UBTD2: variants seen among roughly 807,000 people sequenced by gnomAD.
UBTD2 encodes ubiquitin domain containing 2, also known as ubiquitin domain-containing protein 2.
A neutral mutation model predicts 19.8 loss-of-function variants in UBTD2; 9 were observed. The ratio of observed to expected loss-of-function variants is 0.46; its 90% CI spans 0.27 to 0.79. The LOEUF (loss-of-function observed/expected upper bound fraction) is 0.79, where lower values mean the gene tolerates loss of function less well. Ranked by LOEUF, UBTD2 falls within the 30% of genes least tolerant of loss-of-function variation. The pLI is 0.14. For missense variants in UBTD2, 250 were observed against 300.4 expected, an observed-to-expected ratio of 0.83 and a Z score of 1.24; for synonymous variants, 98 against 103.9, an observed-to-expected ratio of 0.94 and a Z score of 0.35.
intron 1 of UBTD2, among the ~76,000 whole-genome samples, chr5:172,252,843 T>C (rs1755057430): frequency 6.6e-6 from 1 of 152,288 alleles, no homozygotes; most frequent in East Asian, 1.9e-4. Flanking sequence ...TAAAACATAT[T>C]GGTATTTTGG....
intron 2 of UBTD2, among the ~76,000 whole-genome samples, chr5:172,221,555 G>A (rs184397765): frequency 3.1e-4 from 47 of 152,106 alleles, no homozygotes; most frequent in Non-Finnish European, 4.3e-4. Flanking sequence ...AACACATGGC[G>A]AAAACTTAAA....
intron 1 of UBTD2, among the ~76,000 whole-genome samples, chr5:172,248,136 T>TACAAAA (rs1223020862): frequency 6.6e-6 from 1 of 151,772 alleles, no homozygotes; most frequent in African/African-American, 2.4e-5. Context: ...ACACAAAACA[T>TACAAAA]ACAAAAACTT....
chr5:172,248,964 T>C (rs923640017), intron 1 of UBTD2, among the ~76,000 whole-genome samples: 9 of 150,226 alleles, frequency 6.0e-5, no homozygotes, highest in African/African-American at 2.2e-4. Flanking sequence ...AGAGCAGAGA[T>C]AAATAAAACA....
intron 1 of UBTD2, among the ~76,000 whole-genome samples, chr5:172,269,407 C>T (rs935678391): frequency 1.3e-5 from 2 of 150,102 alleles, no homozygotes; most frequent in Admixed American, 6.6e-5. Flanking sequence ...AGGAGAATCA[C>T]TTGAGCCTGG....
At chr5:172,263,437 A>C (rs187552374) in intron 1 of UBTD2, among the ~76,000 whole-genome samples, 1 of 152,368 alleles carries the variant, frequency 6.6e-6, no homozygotes, top group Admixed American at 6.5e-5. Flanking sequence ...CAAAGCATGT[A>C]ATATAAAGGC....
intron 1 of UBTD2, among the ~76,000 whole-genome samples, chr5:172,246,508 G>C (rs1388645316): frequency 1.4e-5 from 2 of 139,472 alleles, no homozygotes; most frequent in Admixed American, 1.6e-4. Context: ...GCAGTGGTGC[G>C]ATCTTGGCTC....
intron 1 of UBTD2, among the ~76,000 whole-genome samples, chr5:172,279,872 G>A (rs1755674341): frequency 6.6e-6 from 1 of 152,128 alleles, no homozygotes; most frequent in African/African-American, 2.4e-5. Flanking sequence ...CAGGCTGGGC[G>A]AGGTGGCTCA....
At chr5:172,227,898 C>G (rs570671908) in intron 2 of UBTD2, among the ~76,000 whole-genome samples, 1 of 151,898 alleles carries the variant, frequency 6.6e-6, no homozygotes, top group Non-Finnish European at 1.5e-5. Context: ...CTAGGCTGGT[C>G]TCTAACTCCT....
chr5:172,229,327 T>C (rs191835687), intron 2 of UBTD2, among the ~76,000 whole-genome samples: 1,876 of 151,554 alleles, frequency 0.012, 9 homozygotes, highest in Non-Finnish European at 0.014. Context: ...GGTGAAACCC[T>C]GTCTCTACTA....
rs200012340 is a variant in UBTD2, at chr5:172,262,287, T to TA, written c.70+21308dup. On this transcript the variant is annotated intron_variant, in intron 1 of 2. Coordinates refer to ENST00000393792, the MANE Select transcript of UBTD2 (RefSeq NM_152277.3). ...CAACATGGTGAAACCCCATCTCTAC[T>TA]AAAAATACAAAAATTAGCTGGGCAT... is the stretch of plus-strand genomic sequence containing the variant. Among the ~76,000 whole-genome samples the TA allele has an allele frequency of 1.3e-3, 189 of 150,958 alleles. 3 individuals are homozygous for TA. The East Asian group carries it at 0.033, about 26-fold the overall frequency.
intron 2 of UBTD2, among the ~76,000 whole-genome samples, chr5:172,216,455 C>A (rs986011578): frequency 3.2e-4 from 47 of 147,860 alleles, no homozygotes; most frequent in Middle Eastern, 7.2e-3. Flanking sequence ...AAAAAAAAAA[C>A]AAACAAAAAA....
At chr5:172,255,704 G>A (rs966047390) in intron 1 of UBTD2, among the ~76,000 whole-genome samples, 8 of 152,104 alleles carry the variant, frequency 5.3e-5, no homozygotes, top group Non-Finnish European at 8.8e-5. Context: ...TGCCGGCGCC[G>A]CTCGCTCAGC....
intron 1 of UBTD2, among the ~76,000 whole-genome samples, chr5:172,251,240 A>C (rs1755006526): frequency 6.8e-6 from 1 of 146,132 alleles, no homozygotes; most frequent in Non-Finnish European, 1.5e-5. Flanking sequence ...AATGGCCTGA[A>C]CCCAGGAGGC....
intron 1 of UBTD2, among the ~76,000 whole-genome samples, chr5:172,278,678 T>C (rs1481635459): frequency 6.6e-6 from 1 of 152,206 alleles, no homozygotes; most frequent in African/African-American, 2.4e-5. Flanking sequence ...ATTCTACATA[T>C]AGGACCACAC....
At chr5:172,234,072 GA>G in intron 2 of UBTD2, 49 bp downstream of exon 2, 1 of 1,588,800 alleles carries the variant, frequency 6.3e-7, no homozygotes, top group Non-Finnish European at 8.6e-7. Context: ...CTTGCTATCA[GA>G]AACAAAGTTG....
intron 1 of UBTD2, among the ~76,000 whole-genome samples, chr5:172,235,493 T>A (rs1412472363): frequency 6.6e-6 from 1 of 151,956 alleles, no homozygotes; most frequent in African/African-American, 2.4e-5. Context: ...GAACTGGGAG[T>A]AAAAGAGATA....
intron 2 of UBTD2, among the ~76,000 whole-genome samples, chr5:172,222,911 G>A (rs1043847499): frequency 3.9e-5 from 6 of 152,292 alleles, no homozygotes; most frequent in South Asian, 2.1e-4. Flanking sequence ...TATGCTACTG[G>A]ATATTCTAGG....
intron 1 of UBTD2, among the ~76,000 whole-genome samples, chr5:172,282,482 G>A (rs1323156557): frequency 6.6e-6 from 1 of 152,164 alleles, no homozygotes; most frequent in African/African-American, 2.4e-5. Flanking sequence ...GGTGTACATG[G>A]TTTGTGAAGA....
intron 1 of UBTD2, among the ~76,000 whole-genome samples, chr5:172,251,580 C>A: frequency 6.8e-6 from 1 of 147,882 alleles, no homozygotes; most frequent in Non-Finnish European, 1.5e-5. Context: ...GATTTCTCAG[C>A]AGAAACCTTC....
Sources: gnomAD v4.1 joint callset for allele counts (sites outside exome capture counted in the v4.1 genomes callset) on GRCh38, gnomAD v4.1.1 for gene constraint, MANE v1.5 for transcripts, NCBI Gene and HGNC (gene_info 2026-07-23, HGNC 2026-07-21) for gene names.